EZH2: variants seen among roughly 807,000 people sequenced by gnomAD.
EZH2 encodes histone-lysine N-methyltransferase EZH2.
Under a neutral mutation model 98.4 loss-of-function variants are expected in EZH2, and 18 were observed. The observed-to-expected ratio is 0.18, with a 90% confidence interval of 0.13 to 0.27. EZH2 has a LOEUF of 0.27. EZH2 is among the 10% of genes least tolerant of loss of function. The probability of loss-of-function intolerance (pLI) is 1.00; values close to 1 mark genes in which losing one functional copy is unlikely to be tolerated. For synonymous variants in EZH2, 338 were observed against 312.3 expected (o/e 1.08, Z -0.87); for missense variants, 470 against 935.1 (o/e 0.50, Z 6.49).
chr7:148,830,732 A>C (rs1809141741), intron 4 of EZH2, among the ~76,000 whole-genome samples: 1 of 152,222 alleles, frequency 6.6e-6, no homozygotes, highest in South Asian at 2.1e-4. Context: ...AGAAGAAAGA[A>C]GAATAGCCAA....
At chr7:148,854,943 A>G (rs1458276678) in intron 1 of EZH2, among the ~76,000 whole-genome samples, 1 of 152,268 alleles carries the variant, frequency 6.6e-6, no homozygotes, top group Non-Finnish European at 1.5e-5. Context: ...TAGATGTTAA[A>G]TTATTGGTAA....
intron 8 of EZH2, among the ~76,000 whole-genome samples, chr7:148,825,142 A>G (rs1291879550): frequency 1.3e-5 from 2 of 152,222 alleles, no homozygotes; most frequent in African/African-American, 2.4e-5. Context: ...GCTTCCACTC[A>G]ATTCTTTTGC....
rs147630517 is a variant in EZH2 at position 148,881,648 on chromosome 7, T to C, written c.-8+2516A>G. 8.3e-4 allele frequency among the ~76,000 whole-genome samples: 127 copies of C among 152,262 alleles called. 1 individual carries two copies. The highest frequency in any genetic ancestry group is 6.8e-3 in the Middle Eastern group (2 of 294). Reference sequence around the variant, plus strand: ...ACTCAAGGGCAAAGTTAGAAATTTTTATCCTAGGCTGGGCGTGGTGGCTCA... The same window carrying C: ...ACTCAAGGGCAAAGTTAGAAATTTTCATCCTAGGCTGGGCGTGGTGGCTCA... On this transcript the variant is annotated intron_variant, in intron 1 of 19. Coordinates refer to ENST00000320356, the MANE Select transcript of EZH2 (RefSeq NM_004456.5).
chr7:148,876,304 AGTT>A (rs887543759), intron 1 of EZH2: 8 of 151,938 alleles, frequency 5.3e-5, no homozygotes, highest in African/African-American at 1.9e-4. Context: ...AAAAAAAAAA[AGTT>A]GAGAGAATGA....
In EZH2 at chr7:148,829,827, G is replaced by A. The variant is rs189454324; in HGVS notation, c.385C>T (p.His129Tyr). The change falls in exon 5 of 20, where the codon CAT becomes TAT. Residue 129 changes from histidine (H) to tyrosine (Y), a missense_variant. His to Tyr is a moderately conservative substitution (Grantham distance 83). This residue lies in a region of EZH2 where 21 missense variants were observed against 84.2 expected (regional missense o/e 0.25). Transcript: ENST00000320356. ...NFMVEDETVL[H>Y]NIPYMGDEVL... is the part of the protein sequence containing the mutation. ...TCATCTCCCATATAAGGAATGTTATGTAAAACAGTTTCATCTTCCACCTAA... is the reference window on the plus strand; with the variant it reads ...TCATCTCCCATATAAGGAATGTTATATAAAACAGTTTCATCTTCCACCTAA... 7 of 1,583,304 alleles carry A rather than the reference G, an allele frequency of 4.4e-6. No individual in the cohort carries two copies.
At chr7:148,807,813 TTAAAA>T in intron 19 of EZH2, 107 bp from the exon 20 acceptor site, 5 of 438,906 alleles carry the variant, frequency 1.1e-5, no homozygotes, top group South Asian at 3.4e-5. Context: ...TAAAATGTCT[TTAAAA>T]AAAAAAAAAA....
chr7:148,827,231 C>T lies in EZH2; in HGVS notation c.661G>A (p.Asp221Asn), dbSNP rs374699518. The change falls in exon 7 of 20, where the codon GAT (aspartate) becomes AAT (asparagine). Residue 221 changes from aspartate (D) to asparagine (N), a missense_variant. Physicochemically the swap from Asp to Asn is conservative, Grantham distance 23 (BLOSUM62 1). Coordinates refer to ENST00000320356, the MANE Select transcript of EZH2 (RefSeq NM_004456.5). Reference sequence around the variant, plus strand: ...GAGGAAATGGCTTCAAAAATTTTATCAGAAGGAAATTTCCGAGGTGGGCGG... The same window carrying T: ...GAGGAAATGGCTTCAAAAATTTTATTAGAAGGAAATTTCCGAGGTGGGCGG... ...ESRPPRKFPS[D>N]KIFEAISSMF... 1 of 1,613,690 alleles carries T rather than the reference C, an allele frequency of 6.2e-7. No individual in the cohort carries two copies. Among genetic ancestry groups the T allele is most frequent in the Admixed American group, 1.7e-5 (1 of 59,992 alleles).
At chr7:148,864,010 A>G (rs577827942) in intron 1 of EZH2, among the ~76,000 whole-genome samples, 138 of 152,386 alleles carry the variant, frequency 9.1e-4, no homozygotes, top group African/African-American at 3.2e-3. Flanking sequence ...AACAGAAAAA[A>G]GTAAAGAACA....
chr7:148,839,815 G>C (rs1471498127), intron 3 of EZH2, among the ~76,000 whole-genome samples: 3 of 152,088 alleles, frequency 2.0e-5, no homozygotes, highest in African/African-American at 7.2e-5. Context: ...CCAAAGTGCT[G>C]GGATTACAGG....
rs2270205 is a variant in EZH2 at position 148,811,389 on chromosome 7, A to G, written c.1947+236T>C. Among the ~76,000 whole-genome samples, 122,836 of 152,112 alleles carry G rather than the reference A, an allele frequency of 0.81. 50,347 individuals carry two copies. The highest frequency in any genetic ancestry group is 0.95 in the African/African-American group (39,433 of 41,528). On this transcript the variant is annotated intron_variant, in intron 16 of 19. Transcript: ENST00000320356. Reference sequence around the variant, plus strand: ...TGGTCTCCAACTCCTGAGCTCAAGCAATCCACCTGCCTCGGCCTCCCAAAG... The same window carrying G: ...TGGTCTCCAACTCCTGAGCTCAAGCGATCCACCTGCCTCGGCCTCCCAAAG...
rs776347187 is a variant in EZH2, at chr7:148,814,019, G to A, written c.1791C>T (p.Asp597=). ...AGGACACATTTTTACTGTCCCAATGGTCAGCGGCTCCACAAGTAAGACAGA... is the reference window on the plus strand; with the variant it reads ...AGGACACATTTTTACTGTCCCAATGATCAGCGGCTCCACAAGTAAGACAGA... ...PDLCLTCGAA[D]HWDSKNVSCK... Residue 597 remains aspartate, a synonymous_variant, in exon 15 of 20, where the codon GAC becomes GAT. Coordinates refer to ENST00000320356, the MANE Select transcript of EZH2 (RefSeq NM_004456.5). 1.2e-6 allele frequency: 2 copies of A among 1,614,182 alleles called. No individual in the cohort carries two copies. Among genetic ancestry groups the A allele is most frequent in the South Asian group, 1.1e-5 (1 of 91,084 alleles).
At chr7:148,813,390 A>G (rs1016600116) in intron 15 of EZH2, among the ~76,000 whole-genome samples, 1 of 151,964 alleles carries the variant, frequency 6.6e-6, no homozygotes, top group Non-Finnish European at 1.5e-5. Context: ...TCTTTTGCTC[A>G]ATCATTACTT....
At chr7:148,879,442 G>C (rs1221081692) in intron 1 of EZH2, among the ~76,000 whole-genome samples, 1 of 151,698 alleles carries the variant, frequency 6.6e-6, no homozygotes. Flanking sequence ...TGTAATCCTA[G>C]TACTTTGGGA....
chr7:148,816,750 C>G lies in EZH2; in HGVS notation c.1439G>C (p.Ser480Thr). Reference sequence around the variant, plus strand: ...CTCAGCGGGAGCTGGAGCTATGATGCTAGATTCTTTGACTCTAAACTCATA... The same window carrying G: ...CTCAGCGGGAGCTGGAGCTATGATGGTAGATTCTTTGACTCTAAACTCATA... Reference protein sequence around the residue: ...QVYEFRVKESSIIAPAPAEDV... With the variant: ...QVYEFRVKESTIIAPAPAEDV... The change falls in exon 12 of 20, where the codon AGC (serine) becomes ACC (threonine). Residue 480 changes from serine to threonine, a missense_variant. Physicochemically the swap from Ser to Thr is moderately conservative, Grantham distance 58. This residue lies in a region of EZH2 where 192 missense variants were observed against 306.8 expected (regional missense o/e 0.63). Transcript: ENST00000320356. 1 of 1,614,090 alleles carries G rather than the reference C, an allele frequency of 6.2e-7. No homozygotes were observed. The highest frequency in any genetic ancestry group is 1.1e-5 in the South Asian group (1 of 91,086).
At chr7:148,873,649 C>T (rs28455679) in intron 1 of EZH2, among the ~76,000 whole-genome samples, 29,650 of 136,060 alleles carry the variant, frequency 0.22, 3,447 homozygotes, top group African/African-American at 0.34. Flanking sequence ...TAAAATTTTA[C>T]AGTAATCAAT....
At chr7:148,812,436 C>G (rs1803353067) in intron 15 of EZH2, among the ~76,000 whole-genome samples, 1 of 152,184 alleles carries the variant, frequency 6.6e-6, no homozygotes, top group Non-Finnish European at 1.5e-5. Flanking sequence ...CCAAAATTTT[C>G]TTGTGACCTT....
intron 1 of EZH2, among the ~76,000 whole-genome samples, chr7:148,856,619 C>T (rs1319505647): frequency 6.6e-6 from 1 of 151,950 alleles, no homozygotes; most frequent in Non-Finnish European, 1.5e-5. Flanking sequence ...AGGGTTGGGA[C>T]AGGGAAACTA....
chr7:148,861,273 C>T (rs1817629307), intron 1 of EZH2, among the ~76,000 whole-genome samples: 1 of 148,970 alleles, frequency 6.7e-6, no homozygotes, highest in Non-Finnish European at 1.5e-5. Flanking sequence ...GTCACCCAGG[C>T]TGGAGTGCAG....
intron 19 of EZH2, among the ~76,000 whole-genome samples, chr7:148,808,230 C>G (rs1802040930): frequency 6.6e-6 from 1 of 152,192 alleles, no homozygotes; most frequent in South Asian, 2.1e-4. Context: ...CAAGGAAGCT[C>G]CACCCCACAC....
Sources: gnomAD v4.1 joint callset for allele counts (sites outside exome capture counted in the v4.1 genomes callset) on GRCh38, gnomAD v4.1.1 for gene constraint, gnomAD v4.1.1 regional missense constraint, MANE v1.5 for transcripts, NCBI Gene and HGNC (gene_info 2026-07-23, HGNC 2026-07-21) for gene names.